Variants in FBXO34 observed in about 807,000 individuals in gnomAD.
The protein encoded by FBXO34 is F-box protein 34.
FBXO34 carries 12 observed loss-of-function variants against 24.5 expected under a neutral mutation model. The observed-to-expected ratio is 0.49, with a 90% CI of 0.31 to 0.79. FBXO34 has a LOEUF of 0.79. FBXO34 is among the 30% of genes least tolerant of loss of function. FBXO34 has a pLI of 0.04. For missense variants in FBXO34, 823 were observed against 857.7 expected (o/e 0.96, Z 0.51); for synonymous variants, 320 against 311.9 (o/e 1.03, Z -0.27).
chr14:55,302,705 ATAATTAGAAAG>A (rs2098128237), intron 1 of FBXO34, among the ~76,000 whole-genome samples: 1 of 151,922 alleles, frequency 6.6e-6, no homozygotes, highest in African/African-American at 2.4e-5. Flanking sequence ...AGTAGGCTTT[ATAATTAGAAAG>A]TAGTGCTAAG....
intron 1 of FBXO34, among the ~76,000 whole-genome samples, chr14:55,307,025 C>T (rs1307898641): frequency 2.6e-5 from 4 of 152,192 alleles, no homozygotes; most frequent in Non-Finnish European, 4.4e-5. Context: ...ATGGTATCCA[C>T]CCATTTCATT....
chr14:55,396,048 T>C, the FBXO34 span: 1 of 1,266,906 alleles, frequency 7.9e-7, no homozygotes, highest in Non-Finnish European at 1.1e-6. Context: ...TTCAAAAATG[T>C]AAAATCAAAC....
intron 1 of FBXO34, among the ~76,000 whole-genome samples, chr14:55,283,469 C>CTTT (rs199599790): frequency 3.6e-5 from 5 of 137,638 alleles, no homozygotes; most frequent in African/African-American, 7.9e-5. Flanking sequence ...TTTTTTCTTT[C>CTTT]TTTTTTTTTT....
At chr14:55,276,208 C>A (rs964058916) in intron 1 of FBXO34, among the ~76,000 whole-genome samples, 1 of 152,226 alleles carries the variant, frequency 6.6e-6, no homozygotes, top group Admixed American at 6.5e-5. Context: ...GGGAAATACG[C>A]AAGCCTCTCA....
the FBXO34 span, chr14:55,424,293 T>G: frequency 7.6e-7 from 1 of 1,316,100 alleles, no homozygotes; most frequent in South Asian, 1.2e-5. Context: ...AATAGCACTA[T>G]TCAGCTCCTT....
At position 55,351,822 on chromosome 14, in the gene FBXO34, G is replaced by T. The variant is rs910059756; in HGVS notation, c.1432G>T (p.Val478Phe). Residue 478 changes from valine (V) to phenylalanine (F), a missense_variant, in exon 2 of 2, where the codon GTT (valine) becomes TTT (phenylalanine). Physicochemically the swap from Val to Phe is conservative, Grantham distance 50 (BLOSUM62 -1). Around this residue, in one of 2 missense-constraint regions of FBXO34, gnomAD observed 693 missense variants for 659.1 expected, o/e 1.05. Coordinates refer to ENST00000313833, the MANE Select transcript of FBXO34 (RefSeq NM_017943.4). ...PSILNSCEDP[V>F]PGMLFFLPPG... ...CATTTTAAACTCCTGTGAAGACCCA[G>T]TTCCAGGGATGTTGTTTTTTTTGCC... is the stretch of plus-strand genomic sequence containing the variant. The T allele has an allele frequency of 1.2e-6, 2 of 1,614,190 alleles. No homozygotes were observed. The highest frequency in any genetic ancestry group is 1.7e-6 in the Non-Finnish European group (2 of 1,180,022).
At chr14:55,297,156 C>A (rs760967381) in intron 1 of FBXO34, among the ~76,000 whole-genome samples, 1 of 152,110 alleles carries the variant, frequency 6.6e-6, no homozygotes, top group African/African-American at 2.4e-5. Context: ...GCACAACTGC[C>A]GGCATATATG....
At chr14:55,419,703 T>C in the FBXO34 span, among the ~76,000 whole-genome samples, 8 of 152,318 alleles carry the variant, frequency 5.3e-5, no homozygotes, top group Middle Eastern at 6.8e-3. Flanking sequence ...AAGACCATTT[T>C]ATATGGATAA....
rs139920556 is a variant in FBXO34, at chr14:55,351,384, G to C, written c.994G>C (p.Val332Leu). ...QADEGKTKKG[V>L]LEAPDTQVNP... ...TGATGAAGGCAAAACAAAGAAAGGC[G>C]TCTTGGAGGCACCTGACACTCAGGT... Residue 332 changes from valine to leucine, a missense_variant, in exon 2 of 2, where the codon GTC becomes CTC. Physicochemically the swap from Val to Leu is conservative, Grantham distance 32. Coordinates refer to ENST00000313833, the MANE Select transcript of FBXO34 (RefSeq NM_017943.4). The C allele has an allele frequency of 6.8e-6, 11 of 1,614,202 alleles. No homozygotes were observed. The highest frequency in any genetic ancestry group is 9.3e-6 in the Non-Finnish European group (11 of 1,180,044).
the FBXO34 span, among the ~76,000 whole-genome samples, chr14:55,417,667 G>A: frequency 6.6e-6 from 1 of 152,072 alleles, no homozygotes; most frequent in African/African-American, 2.4e-5. Context: ...TCGCTATGTT[G>A]CCCAGGCTGG....
the FBXO34 span, chr14:55,380,663 G>T: frequency 6.2e-7 from 1 of 1,610,596 alleles, no homozygotes; most frequent in South Asian, 1.1e-5. Context: ...AGCACTGATG[G>T]TGTAGGCAGG....
At chr14:55,393,410 T>C in the FBXO34 span, among the ~76,000 whole-genome samples, 2 of 151,558 alleles carry the variant, frequency 1.3e-5, no homozygotes, top group Admixed American at 1.3e-4. Context: ...AAAAAAGAAA[T>C]ATATGAATAA....
At chr14:55,428,917 C>T in the FBXO34 span, 1 of 1,614,164 alleles carries the variant, frequency 6.2e-7, no homozygotes, top group African/African-American at 1.3e-5. Context: ...TGGCAGGGAA[C>T]CCAAGCTTCT....
the FBXO34 span, among the ~76,000 whole-genome samples, chr14:55,435,554 G>T: frequency 6.6e-6 from 1 of 152,182 alleles, no homozygotes. Flanking sequence ...GATTACAGGA[G>T]TGAGCCACCG....
At chr14:55,432,525 A>G in the FBXO34 span, among the ~76,000 whole-genome samples, 1 of 136,660 alleles carries the variant, frequency 7.3e-6, no homozygotes, top group Admixed American at 6.7e-5. Flanking sequence ...TAGTTAACAA[A>G]ACAAAAACAA....
At chr14:55,402,705 TG>T in the FBXO34 span, among the ~76,000 whole-genome samples, 1 of 150,438 alleles carries the variant, frequency 6.6e-6, no homozygotes, top group African/African-American at 2.4e-5. Flanking sequence ...ATTTAGGATA[TG>T]AGAAAGCATA....
At chr14:55,418,080 G>A in the FBXO34 span, among the ~76,000 whole-genome samples, 1 of 152,214 alleles carries the variant, frequency 6.6e-6, no homozygotes, top group Non-Finnish European at 1.5e-5. Flanking sequence ...TTACCCTAGA[G>A]GAATATACTT....
At chr14:55,389,959 G>GA in the FBXO34 span, among the ~76,000 whole-genome samples, 85 of 146,332 alleles carry the variant, frequency 5.8e-4, 1 homozygote, top group African/African-American at 1.1e-3. Context: ...CTCACTAAGG[G>GA]AAAAAAAAAA....
At chr14:55,304,854 G>A (rs2139723027) in intron 1 of FBXO34, among the ~76,000 whole-genome samples, 1 of 152,068 alleles carries the variant, frequency 6.6e-6, no homozygotes, top group South Asian at 2.1e-4. Flanking sequence ...CTATGAAACA[G>A]GTTTGGTTTT....
Sources: gnomAD v4.1 joint callset for allele counts (sites outside exome capture counted in the v4.1 genomes callset) on GRCh38, gnomAD v4.1.1 for gene constraint, gnomAD v4.1.1 regional missense constraint, MANE v1.5 for transcripts, NCBI Gene and HGNC (gene_info 2026-07-23, HGNC 2026-07-21) for gene names.